Variants in STK3 observed in about 807,000 individuals in gnomAD.
The protein encoded by STK3 is serine/threonine kinase 3, also known as serine/threonine-protein kinase 3.
Under a neutral mutation model 58.0 loss-of-function variants are expected in STK3, and 41 were observed. The observed-to-expected ratio is 0.71, with a 90% CI of 0.55 to 0.92. The LOEUF is 0.92. Ranked by LOEUF, STK3 falls within the 40% of genes least tolerant of loss-of-function variation. The pLI is 0.00. For missense variants in STK3, 479 were observed against 602.7 expected (o/e 0.79, Z 2.15); for synonymous variants, 170 against 191.0 (o/e 0.89, Z 0.91).
At position 98,428,066 on chromosome 8, in the gene STK3, G is replaced by A; in HGVS notation, n.483+6061C>T. The A allele has an allele frequency of 6.2e-7, 1 of 1,613,304 alleles. No homozygotes were observed. On this transcript the variant is annotated intron_variant and non_coding_transcript_variant, in intron 3 of 3. Coordinates refer to the STK3 transcript ENST00000517832. This position sits in a 1 kb window ranked among gnomAD's most constrained non-coding sequence, Gnocchi z 6.7. ...TCAATGTGGGCGGCTTCAAGAGGAGGCTGCGCTCGCACACGCTGCTGCGCT... is the reference window on the plus strand; with the variant it reads ...TCAATGTGGGCGGCTTCAAGAGGAGACTGCGCTCGCACACGCTGCTGCGCT...
intron 4 of STK3, among the ~76,000 whole-genome samples, chr8:98,742,014 T>C (rs1168310752): frequency 6.6e-6 from 1 of 151,944 alleles, no homozygotes; most frequent in East Asian, 1.9e-4. Context: ...ACATACACCC[T>C]CCCAAGACTA....
At chr8:98,755,573 G>A (rs1830238014) in intron 3 of STK3, among the ~76,000 whole-genome samples, 1 of 152,180 alleles carries the variant, frequency 6.6e-6, no homozygotes, top group African/African-American at 2.4e-5. Context: ...ACAATAAAAT[G>A]TCCTTTCTCC....
Position 98,423,189 on chromosome 8 carries a change from C to T in STK3, n.483+10938G>A, listed in dbSNP as rs115484101. 6.8e-3 allele frequency among the ~76,000 whole-genome samples: 1,029 copies of T among 152,360 alleles called. 10 individuals carry two copies. The highest frequency in any genetic ancestry group is 0.023 in the African/African-American group (943 of 41,582). ...AGCTGGGGCCTCATTCATTCGTCAT[C>T]CAATCCTGTATTCAATAACTATTTA... On this transcript the variant is annotated intron_variant and non_coding_transcript_variant, in intron 3 of 3. Transcript: ENST00000517832.
intron 1 of STK3, chr8:98,437,513 T>C (rs1016986967): frequency 6.6e-6 from 1 of 151,922 alleles, no homozygotes; most frequent in African/African-American, 2.4e-5. Flanking sequence ...AGAATTGGGG[T>C]TCTTGGGGAG....
At chr8:98,490,407 CT>C (rs1450820767) in intron 10 of STK3, among the ~76,000 whole-genome samples, 3 of 152,100 alleles carry the variant, frequency 2.0e-5, no homozygotes, top group African/African-American at 7.2e-5. Context: ...TTAGACAAAA[CT>C]TTCAAAACAA....
intron 3 of STK3, among the ~76,000 whole-genome samples, chr8:98,758,268 G>A (rs1830420968): frequency 6.6e-6 from 1 of 152,190 alleles, no homozygotes; most frequent in Non-Finnish European, 1.5e-5. Context: ...CAAGAAAGCT[G>A]AGGAAGAGAG....
the STK3 span, among the ~76,000 whole-genome samples, chr8:98,360,935 A>G: frequency 5.9e-5 from 9 of 152,218 alleles, no homozygotes; most frequent in Non-Finnish European, 8.8e-5. Context: ...CAGGGGTGTC[A>G]GAGTGTCCCT....
the STK3 span, among the ~76,000 whole-genome samples, chr8:98,353,428 C>T: frequency 2.0e-5 from 3 of 152,162 alleles, no homozygotes; most frequent in Non-Finnish European, 4.4e-5. Flanking sequence ...GATGTCGAGG[C>T]TGCAGTGAGC....
chr8:98,480,437 C>T (rs943485054), intron 10 of STK3, among the ~76,000 whole-genome samples: 1 of 152,170 alleles, frequency 6.6e-6, no homozygotes, highest in Non-Finnish European at 1.5e-5. Context: ...TATAAAGGCA[C>T]AGACAGGTTA....
intron 1 of STK3, among the ~76,000 whole-genome samples, chr8:98,803,074 T>G (rs1833665695): frequency 1.3e-5 from 2 of 152,234 alleles, no homozygotes; most frequent in Admixed American, 1.3e-4. Context: ...GGGGTATGAT[T>G]CTCTCTACGC....
At position 98,444,121 on chromosome 8, in the gene STK3, G is replaced by C. The variant is rs532668145; in HGVS notation, n.186-6913C>G. ...AGTCCTGGCCCTCAGGCAGCTTACA[G>C]TCAGCAGAGAAGACAGAAGAGTAAG... is the stretch of plus-strand genomic sequence containing the variant. On this transcript the variant is annotated intron_variant and non_coding_transcript_variant, in intron 1 of 3. Coordinates refer to the STK3 transcript ENST00000517832. 2.0e-5 allele frequency among the ~76,000 whole-genome samples: 3 copies of C among 152,318 alleles called. No homozygotes were observed. In the East Asian group the frequency reaches 5.8e-4, roughly 29 times the overall value.
At chr8:98,375,326 A>C (rs1447494080) in intron 2 of STK3, among the ~76,000 whole-genome samples, 1 of 152,178 alleles carries the variant, frequency 6.6e-6, no homozygotes, top group East Asian at 1.9e-4. Context: ...TAAGACAAGA[A>C]AAAGAAATGG....
At chr8:98,830,828 G>T (rs1302932738) in intron 3 of STK3, among the ~76,000 whole-genome samples, 1 of 152,054 alleles carries the variant, frequency 6.6e-6, no homozygotes, top group Non-Finnish European at 1.5e-5. Flanking sequence ...AAATTAGCCA[G>T]GCGTGGTGGT....
Position 98,838,988 on chromosome 8 carries a change from T to TTGTG in STK3, c.110+44655_110+44658dup, listed in dbSNP as rs35564732. ...TTTGTTTTTGTTTTGTTTGTTTGTT[T>TTGTG]TGTGTGTGTGTGTGTGTGTGTGTGT... On this transcript the variant is annotated intron_variant, in intron 3 of 12. Transcript: ENST00000523601. 9.9e-3 allele frequency among the ~76,000 whole-genome samples: 1,429 copies of TTGTG among 145,034 alleles called. 11 individuals carry two copies. The highest frequency in any genetic ancestry group is 0.023 in the East Asian group (115 of 4,920).
At chr8:98,904,616 G>C (rs1221555194) in intron 1 of STK3, 2 of 596,786 alleles carry the variant, frequency 3.4e-6, no homozygotes, top group Admixed American at 3.8e-5. Flanking sequence ...TGAGTACCAG[G>C]CTCGGTCCAT....
chr8:98,383,080 G>C (rs1817755161), intron 1 of STK3, among the ~76,000 whole-genome samples: 1 of 152,120 alleles, frequency 6.6e-6, no homozygotes, highest in Admixed American at 6.5e-5. Context: ...AGGTGCCTGT[G>C]TTCTTACTTG....
upstream of STK3, among the ~76,000 whole-genome samples, chr8:98,826,160 C>T (rs960217261): frequency 6.6e-6 from 1 of 152,222 alleles, no homozygotes; most frequent in South Asian, 2.1e-4. Context: ...GCCCTCACTA[C>T]GGTTTGCCCT....
downstream of STK3, among the ~76,000 whole-genome samples, chr8:98,453,080 GTT>G (rs919288019): frequency 5.0e-5 from 2 of 39,680 alleles, no homozygotes; most frequent in African/African-American, 2.2e-4. Flanking sequence ...TTTCTTTCTT[GTT>G]TTTTTTTTTT....
At chr8:98,766,271 T>G (rs1490590370) in intron 3 of STK3, among the ~76,000 whole-genome samples, 2 of 152,200 alleles carry the variant, frequency 1.3e-5, no homozygotes, top group Non-Finnish European at 2.9e-5. Context: ...GTATCTTAGT[T>G]CTTTTGGCAT....
Sources: gnomAD v4.1 joint callset for allele counts (sites outside exome capture counted in the v4.1 genomes callset) on GRCh38, gnomAD v4.1.1 for gene constraint, Gnocchi (gnomAD v3.1) non-coding constraint, MANE v1.5 for transcripts, NCBI Gene and HGNC (gene_info 2026-07-23, HGNC 2026-07-21) for gene names.